The following TECRL variants were observed in gnomAD, a reference collection of about 807,000 sequenced individuals.
TECRL encodes the protein trans-2,3-enoyl-CoA reductase like.
TECRL carries 63 observed loss-of-function variants against 52.8 expected under a neutral mutation model. That is an observed-to-expected ratio of 1.19 (90% CI 0.97 to 1.47). The LOEUF (loss-of-function observed/expected upper bound fraction) is 1.47. TECRL is among the 40% of genes most tolerant of loss of function. The pLI is 0.00. For synonymous variants in TECRL, 164 were observed against 141.9 expected, an observed-to-expected ratio of 1.16 and a Z score of -1.10; for missense variants, 482 against 429.6, an observed-to-expected ratio of 1.12 and a Z score of -1.08.
At chr4:64,338,146 A>C (rs1446762472) in intron 2 of TECRL, among the ~76,000 whole-genome samples, 3 of 152,132 alleles carry the variant, frequency 2.0e-5, no homozygotes, top group Admixed American at 2.0e-4. Flanking sequence ...CAACTATCTG[A>C]TCTTTGACAA....
At chr4:64,408,807 G>A (rs1313312766) in intron 1 of TECRL, among the ~76,000 whole-genome samples, 1 of 152,028 alleles carries the variant, frequency 6.6e-6, no homozygotes, top group African/African-American at 2.4e-5. Context: ...TTACATGTAG[G>A]AAAATAGGTT....
At chr4:64,289,873 A>T (rs1723284230) in intron 8 of TECRL, 106 bp from the exon 9 acceptor site, 2 of 614,378 alleles carry the variant, frequency 3.3e-6, no homozygotes, top group Non-Finnish European at 5.0e-6. Context: ...AATCCCAAAG[A>T]TTCAAAAGAT....
downstream of TECRL, chr4:64,276,820 G>A: frequency 2.9e-6 from 1 of 349,066 alleles, no homozygotes; most frequent in Non-Finnish European, 5.1e-6. Context: ...TTAATTTAGA[G>A]TATCATTAAA....
chr4:64,296,244 C>T (rs1723674926), intron 8 of TECRL, among the ~76,000 whole-genome samples: 1 of 151,762 alleles, frequency 6.6e-6, no homozygotes, highest in Admixed American at 6.6e-5. Flanking sequence ...TAGGGACTTG[C>T]TCTCCTGTTT....
intron 4 of TECRL, among the ~76,000 whole-genome samples, chr4:64,320,273 T>C (rs1285254277): frequency 2.0e-5 from 3 of 151,950 alleles, no homozygotes; most frequent in Non-Finnish European, 4.4e-5. Flanking sequence ...ATCTTAATTT[T>C]AACCTTGCTA....
chr4:64,401,349 CT>C (rs1292144680), intron 1 of TECRL, among the ~76,000 whole-genome samples: 1 of 152,118 alleles, frequency 6.6e-6, no homozygotes, highest in African/African-American at 2.4e-5. Context: ...TATTACTTTC[CT>C]GCCTCTTTTT....
chr4:64,322,381 G>T (rs1322443214), intron 4 of TECRL, among the ~76,000 whole-genome samples: 1 of 149,596 alleles, frequency 6.7e-6, no homozygotes, highest in Non-Finnish European at 1.5e-5. Flanking sequence ...GCAGTGAGCA[G>T]CAGGACCTAG....
At chr4:64,328,266 G>T (rs1407564325) in intron 3 of TECRL, among the ~76,000 whole-genome samples, 3 of 151,992 alleles carry the variant, frequency 2.0e-5, no homozygotes, top group African/African-American at 4.8e-5. Context: ...ACCAGTTAAA[G>T]CTTCACAAAC....
At chr4:64,305,368 G>A (rs1724269289) in intron 6 of TECRL, 130 bp from the exon 7 acceptor site, 2 of 675,564 alleles carry the variant, frequency 3.0e-6, no homozygotes, top group South Asian at 4.0e-5. Flanking sequence ...AGACACTGCA[G>A]CATTTATATG....
At chr4:64,319,891 T>G (rs752291615) in intron 4 of TECRL, among the ~76,000 whole-genome samples, 29 of 151,958 alleles carry the variant, frequency 1.9e-4, no homozygotes, top group Admixed American at 5.9e-4. Flanking sequence ...ATTTTCCACA[T>G]GACAAAAATA....
intron 2 of TECRL, among the ~76,000 whole-genome samples, chr4:64,374,548 CTA>C (rs1262634307): frequency 2.0e-5 from 3 of 151,966 alleles, no homozygotes; most frequent in Admixed American, 6.6e-5. Flanking sequence ...TCTCCTAATG[CTA>C]TCCCTCCCCG....
chr4:64,350,352 A>T (rs556005678), intron 2 of TECRL, among the ~76,000 whole-genome samples: 62 of 152,322 alleles, frequency 4.1e-4, no homozygotes, highest in African/African-American at 1.5e-3. Context: ...AAGTAGATAG[A>T]ATAATGCAAC....
chr4:64,392,768 A>G (rs1384220896), intron 1 of TECRL, among the ~76,000 whole-genome samples: 1 of 151,996 alleles, frequency 6.6e-6, no homozygotes, highest in African/African-American at 2.4e-5. Context: ...ACTTTTTTCT[A>G]GATCAGCAAT....
intron 1 of TECRL, among the ~76,000 whole-genome samples, chr4:64,383,604 T>C (rs528200193): frequency 5.7e-4 from 87 of 152,158 alleles, no homozygotes; most frequent in Middle Eastern, 3.4e-3. Flanking sequence ...TTTTTTATTA[T>C]ATCTATCTTT....
At position 64,322,801 on chromosome 4, in the gene TECRL, A is replaced by C; in HGVS notation, c.332-9T>G. 6.3e-7 allele frequency: 1 copy of C among 1,580,072 alleles called. No homozygotes were observed. Among genetic ancestry groups the C allele is most frequent in the Non-Finnish European group, 8.6e-7 (1 of 1,164,460 alleles). On this transcript the variant is annotated splice_polypyrimidine_tract_variant and intron_variant, in intron 3 of 11. Coordinates refer to ENST00000381210, the MANE Select transcript of TECRL (RefSeq NM_001010874.5). ...CTTCAAAAAAGGCCCGCCTAAAATA[A>C]AAATAACAAGAAAATTTTATTTTAA... is the stretch of plus-strand genomic sequence containing the variant.
At chr4:64,311,577 G>C (rs967948728) in intron 5 of TECRL, among the ~76,000 whole-genome samples, 3 of 152,138 alleles carry the variant, frequency 2.0e-5, no homozygotes, top group African/African-American at 7.2e-5. Flanking sequence ...TTTGGTTCAA[G>C]CTATGATTTC....
Position 64,305,149 on chromosome 4 carries a change from G to A in TECRL, c.730+17C>T, listed in dbSNP as rs759223285. The A allele has an allele frequency of 3.1e-6, 5 of 1,594,140 alleles. No homozygotes were observed. The Admixed American group carries it at 5.1e-5, about 16-fold the overall frequency. ...GGTCCTTTAGTATACGGTTAGTTAAGAAGAAACCCTACATACATGGTGGTG... is the reference window on the plus strand; with the variant it reads ...GGTCCTTTAGTATACGGTTAGTTAAAAAGAAACCCTACATACATGGTGGTG... On this transcript the variant is annotated intron_variant, in intron 7 of 11. Coordinates refer to ENST00000381210, the MANE Select transcript of TECRL (RefSeq NM_001010874.5).
At chr4:64,383,446 C>T (rs1372606658) in intron 1 of TECRL, among the ~76,000 whole-genome samples, 1 of 151,792 alleles carries the variant, frequency 6.6e-6, no homozygotes, top group Non-Finnish European at 1.5e-5. Flanking sequence ...TCTCTTCATT[C>T]TTCTTTATTC....
rs1363212853 is a variant in TECRL at position 64,281,197 on chromosome 4, T to C, written c.919-111A>G. 4 of 652,290 alleles carry C rather than the reference T, an allele frequency of 6.1e-6. 1 individual carries two copies. The Admixed American group carries it at 1.0e-4, about 16-fold the overall frequency. The allele number at this position is 652,290 out of a possible 1,614,324, so 40.4% of individuals were successfully genotyped here. On this transcript the variant is annotated intron_variant, in intron 10 of 11. Transcript: ENST00000381210. ...CTTAAAATATTAGAAAACTTATAGA[T>C]AGGAATACATTTTCAAGAAATAATA...
Sources: gnomAD v4.1 joint callset for allele counts (sites outside exome capture counted in the v4.1 genomes callset) on GRCh38, gnomAD v4.1.1 for gene constraint, MANE v1.5 for transcripts, NCBI Gene and HGNC (gene_info 2026-07-23, HGNC 2026-07-21) for gene names.